The following KCNQ5 variants were observed in gnomAD, a reference collection of about 807,000 sequenced individuals.
The protein encoded by KCNQ5 is potassium voltage-gated channel subfamily Q member 5, also known as potassium voltage-gated channel subfamily KQT member 5.
In KCNQ5, 30 loss-of-function variants were observed where a neutral mutation model predicts 98.2. That is an observed-to-expected ratio of 0.31 (90% confidence interval 0.23 to 0.41). The LOEUF (loss-of-function observed/expected upper bound fraction) is 0.41. Ranked by LOEUF, KCNQ5 falls within the 10% of genes least tolerant of loss-of-function variation. The pLI is 1.00. For synonymous variants in KCNQ5, 458 were observed against 449.4 expected (o/e 1.02, Z -0.24); for missense variants, 835 against 1,182.5 (o/e 0.71, Z 4.31).
At chr6:72,691,284 C>T (rs1246046347) in intron 1 of KCNQ5, among the ~76,000 whole-genome samples, 1 of 152,064 alleles carries the variant, frequency 6.6e-6, no homozygotes, top group African/African-American at 2.4e-5. Flanking sequence ...ATTTAAAAAC[C>T]GATTTATAAA....
At chr6:72,753,523 C>T (rs1771794248) in intron 1 of KCNQ5, among the ~76,000 whole-genome samples, 1 of 152,000 alleles carries the variant, frequency 6.6e-6, no homozygotes. Context: ...AAATGTTTTC[C>T]AAAGTTGCTG....
chr6:73,117,646 C>T (rs1466006731), intron 7 of KCNQ5, among the ~76,000 whole-genome samples: 1 of 152,176 alleles, frequency 6.6e-6, no homozygotes, highest in African/African-American at 2.4e-5. Context: ...TCTAGTTCTA[C>T]AGGAGTCTTG....
chr6:73,178,993 G>A (rs1256638402), intron 11 of KCNQ5, among the ~76,000 whole-genome samples: 1 of 152,138 alleles, frequency 6.6e-6, no homozygotes, highest in Non-Finnish European at 1.5e-5. Flanking sequence ...TCGAGTGAGG[G>A]CTGCCTCAGG....
At chr6:72,954,810 A>G (rs1031508300) in intron 1 of KCNQ5, among the ~76,000 whole-genome samples, 24 of 152,214 alleles carry the variant, frequency 1.6e-4, no homozygotes, top group African/African-American at 5.3e-4. Context: ...ACATCTGTTT[A>G]AAATGAGCAC....
At chr6:73,000,348 T>C (rs552899795) in intron 1 of KCNQ5, among the ~76,000 whole-genome samples, 2 of 152,234 alleles carry the variant, frequency 1.3e-5, no homozygotes, top group Non-Finnish European at 2.9e-5. Flanking sequence ...TTCTCCATGA[T>C]GTCATTTGCC....
intron 1 of KCNQ5, among the ~76,000 whole-genome samples, chr6:72,966,921 G>C (rs1040762307): frequency 6.6e-6 from 1 of 152,204 alleles, no homozygotes; most frequent in African/African-American, 2.4e-5. Flanking sequence ...TGTTTCTGGA[G>C]GGAGTTGGAG....
chr6:72,940,983 GA>G (rs1032769377), intron 1 of KCNQ5, among the ~76,000 whole-genome samples: 4 of 151,572 alleles, frequency 2.6e-5, no homozygotes, highest in Non-Finnish European at 5.9e-5. Flanking sequence ...TTAGATGACT[GA>G]AAAAAAATAC....
intron 1 of KCNQ5, among the ~76,000 whole-genome samples, chr6:72,658,973 A>T (rs1293942077): frequency 6.6e-6 from 1 of 152,196 alleles, no homozygotes; most frequent in Non-Finnish European, 1.5e-5. Context: ...ATTTCTAAGC[A>T]TATTTAGAAT....
intron 1 of KCNQ5, among the ~76,000 whole-genome samples, chr6:72,975,431 C>G (rs76812441): frequency 0.027 from 4,097 of 152,236 alleles, 66 homozygotes; most frequent in Middle Eastern, 0.082. Context: ...CTTTTCTGAT[C>G]TATAAAATAC....
At chr6:72,809,410 G>T (rs1240711175) in intron 1 of KCNQ5, among the ~76,000 whole-genome samples, 2 of 152,056 alleles carry the variant, frequency 1.3e-5, no homozygotes, top group African/African-American at 2.4e-5. Flanking sequence ...AAAATAGCCA[G>T]GCGTGGTGGC....
intron 1 of KCNQ5, among the ~76,000 whole-genome samples, chr6:72,707,848 G>A (rs1769167171): frequency 6.6e-6 from 1 of 152,086 alleles, no homozygotes; most frequent in African/African-American, 2.4e-5. Context: ...TGAGTAGCTG[G>A]GACCACATAT....
At chr6:72,950,501 C>T (rs1766747930) in intron 1 of KCNQ5, among the ~76,000 whole-genome samples, 1 of 152,216 alleles carries the variant, frequency 6.6e-6, no homozygotes, top group Non-Finnish European at 1.5e-5. Flanking sequence ...GTATGGTTTC[C>T]ATGCATGAAT....
intron 1 of KCNQ5, among the ~76,000 whole-genome samples, chr6:72,871,219 A>C (rs1562037518): frequency 6.6e-6 from 1 of 152,056 alleles, no homozygotes; most frequent in East Asian, 1.9e-4. Context: ...TCATTAAATT[A>C]TTTTTTTTAG....
chr6:73,015,032 G>C (rs1372869934), intron 2 of KCNQ5, among the ~76,000 whole-genome samples: 1 of 151,916 alleles, frequency 6.6e-6, no homozygotes, highest in African/African-American at 2.4e-5. Context: ...TAAAACTTCT[G>C]GTATTAAATA....
intron 10 of KCNQ5, among the ~76,000 whole-genome samples, chr6:73,153,782 C>G (rs1418037963): frequency 6.6e-6 from 1 of 151,490 alleles, no homozygotes; most frequent in African/African-American, 2.4e-5. Flanking sequence ...TATTCTAGGT[C>G]CCAAATTTTT....
chr6:72,877,576 T>C (rs1023069386), intron 1 of KCNQ5, among the ~76,000 whole-genome samples: 29 of 152,366 alleles, frequency 1.9e-4, no homozygotes, highest in African/African-American at 6.7e-4. Flanking sequence ...TTTGGGTATA[T>C]ACCCAGTAAT....
In KCNQ5 at chr6:72,899,072, A is replaced by G. The variant is rs189488288; in HGVS notation, c.399-104836A>G. On this transcript the variant is annotated intron_variant, in intron 1 of 13. Coordinates refer to ENST00000370398, the MANE Select transcript of KCNQ5 (RefSeq NM_019842.4). Reference sequence around the variant, plus strand: ...TTTAAGTTCCTTATAAATTCTGTATATTAGACCTTTGTCAGATGGGTAGAT... The same window carrying G: ...TTTAAGTTCCTTATAAATTCTGTATGTTAGACCTTTGTCAGATGGGTAGAT... Among the ~76,000 whole-genome samples, 121 of 152,212 alleles carry G rather than the reference A, an allele frequency of 7.9e-4. No individual in the cohort carries two copies. The East Asian group carries it at 0.02, about 25-fold the overall frequency.
chr6:72,979,120 T>C (rs1768303491), intron 1 of KCNQ5, among the ~76,000 whole-genome samples: 2 of 152,240 alleles, frequency 1.3e-5, no homozygotes. Context: ...CTATTGTGAA[T>C]AGTGCCGCAG....
At chr6:72,997,782 CAAAAAAAAAAAAAAAA>C (rs70994154) in intron 1 of KCNQ5, among the ~76,000 whole-genome samples, 3 of 62,064 alleles carry the variant, frequency 4.8e-5, no homozygotes, top group East Asian at 6.4e-4. Context: ...GACTCTGTCT[CAAAAAAAAAAAAAAAA>C]AAAAAAAAAA....
Sources: gnomAD v4.1 joint callset for allele counts (sites outside exome capture counted in the v4.1 genomes callset) on GRCh38, gnomAD v4.1.1 for gene constraint, MANE v1.5 for transcripts, NCBI Gene and HGNC (gene_info 2026-07-23, HGNC 2026-07-21) for gene names.